The following SPIDR variants were observed in gnomAD, a reference collection of about 807,000 sequenced individuals.
The protein encoded by SPIDR is DNA repair-scaffolding protein.
A neutral mutation model predicts 104.6 loss-of-function variants in SPIDR; 93 were observed. The ratio of observed to expected loss-of-function variants is 0.89; its 90% confidence interval spans 0.75 to 1.06. The LOEUF is 1.06. SPIDR is among the 50% of genes least tolerant of loss of function. The pLI is 0.00. For synonymous variants in SPIDR, 431 were observed against 416.9 expected (o/e 1.03, Z -0.41); for missense variants, 1,154 against 1,111.2 (o/e 1.04, Z -0.55).
At chr8:47,536,289 C>T (rs1016185125) in intron 8 of SPIDR, among the ~76,000 whole-genome samples, 3 of 152,108 alleles carry the variant, frequency 2.0e-5, no homozygotes, top group Non-Finnish European at 4.4e-5. Flanking sequence ...TATCAACAAA[C>T]TGATTCTAAA....
intron 8 of SPIDR, among the ~76,000 whole-genome samples, chr8:47,463,397 A>G (rs1431268952): frequency 2.6e-5 from 4 of 152,080 alleles, no homozygotes; most frequent in Non-Finnish European, 4.4e-5. Context: ...CTTCCAATGA[A>G]GAAAGACTCG....
chr8:47,362,964 T>G (rs1253882323), intron 5 of SPIDR, among the ~76,000 whole-genome samples: 1 of 151,544 alleles, frequency 6.6e-6, no homozygotes, highest in Non-Finnish European at 1.5e-5. Flanking sequence ...GTGTTCTTTT[T>G]TCTGGCCAAC....
intron 8 of SPIDR, among the ~76,000 whole-genome samples, chr8:47,589,005 A>G (rs899406720): frequency 3.0e-5 from 4 of 134,358 alleles, no homozygotes; most frequent in African/African-American, 8.3e-5. Context: ...TTATTGAGGT[A>G]TATTGGTTTA....
chr8:47,560,508 T>C (rs543807553), intron 8 of SPIDR, among the ~76,000 whole-genome samples: 2 of 152,298 alleles, frequency 1.3e-5, no homozygotes, highest in African/African-American at 4.8e-5. Context: ...TGCTTATAAG[T>C]TCAGACTGTA....
chr8:47,346,790 TG>T (rs1554618473), intron 5 of SPIDR, among the ~76,000 whole-genome samples: 1 of 152,248 alleles, frequency 6.6e-6, no homozygotes, highest in African/African-American at 2.4e-5. Context: ...TGTATTTCTG[TG>T]GGATTGGTGG....
In SPIDR at chr8:47,578,356, C is replaced by G. The variant is rs183639275; in HGVS notation, c.1098-17455C>G. On this transcript the variant is annotated intron_variant, in intron 8 of 19. Transcript: ENST00000297423. ...GCATGGTGGCAGGCACCTGTAATCC[C>G]AGCTACTTGGGAGGCTGAGGCAGGA... Among the ~76,000 whole-genome samples, 323 of 152,174 alleles carry G rather than the reference C, an allele frequency of 2.1e-3. 3 individuals are homozygous for G. Among genetic ancestry groups the G allele is most frequent in the African/African-American group, 7.3e-3 (301 of 41,506 alleles).
At chr8:47,588,712 G>T (rs2060601150) in intron 8 of SPIDR, among the ~76,000 whole-genome samples, 1 of 152,100 alleles carries the variant, frequency 6.6e-6, no homozygotes, top group Non-Finnish European at 1.5e-5. Flanking sequence ...GATTTCTGTT[G>T]ATAATTCTTT....
At chr8:47,423,840 G>A (rs536025338) in intron 7 of SPIDR, among the ~76,000 whole-genome samples, 3 of 152,174 alleles carry the variant, frequency 2.0e-5, no homozygotes, top group East Asian at 3.9e-4. Context: ...GGGAAAATAC[G>A]TTCTATTTAT....
chr8:47,547,473 C>A (rs577284561), intron 8 of SPIDR: 156 of 211,196 alleles, frequency 7.4e-4, no homozygotes, highest in Non-Finnish European at 1.4e-3. Context: ...TGTCGCCAGG[C>A]TGGAATGCAG....
chr8:47,310,614 C>T (rs1177212390), intron 5 of SPIDR, among the ~76,000 whole-genome samples: 1 of 152,088 alleles, frequency 6.6e-6, no homozygotes, highest in African/African-American at 2.4e-5. Flanking sequence ...TCCCAGAGGA[C>T]AGAACTCGGT....
intron 8 of SPIDR, among the ~76,000 whole-genome samples, chr8:47,457,646 G>T (rs1183347216): frequency 6.6e-6 from 1 of 151,954 alleles, no homozygotes. Flanking sequence ...TTGGGTTCTT[G>T]GTCATGAAAA....
At chr8:47,565,992 A>ATATATATATATATATATATATATATTT (rs1554802202) in intron 8 of SPIDR, among the ~76,000 whole-genome samples, 2 of 14,952 alleles carry the variant, frequency 1.3e-4, no homozygotes, top group Non-Finnish European at 3.0e-4. Flanking sequence ...ATATATATAT[A>ATATATATATATATATATATATATATTT]TTTTTTTTTT....
chr8:47,301,207 T>G (rs1309306642), intron 5 of SPIDR, among the ~76,000 whole-genome samples: 2 of 152,332 alleles, frequency 1.3e-5, no homozygotes, highest in Admixed American at 6.5e-5. Flanking sequence ...GAAATGGCCT[T>G]CTTTGTCTCT....
chr8:47,321,686 T>C (rs2046630431), intron 5 of SPIDR, among the ~76,000 whole-genome samples: 1 of 152,138 alleles, frequency 6.6e-6, no homozygotes, highest in African/African-American at 2.4e-5. Flanking sequence ...GCTACCTGAC[T>C]TCAAACTATA....
chr8:47,453,788 AACAG>A (rs1468401663), intron 8 of SPIDR, among the ~76,000 whole-genome samples: 21 of 152,276 alleles, frequency 1.4e-4, no homozygotes, highest in Middle Eastern at 3.4e-3. Flanking sequence ...GTAAGAAAAA[AACAG>A]ACAGCCCCAT....
chr8:47,529,230 G>T (rs920369597), intron 8 of SPIDR, among the ~76,000 whole-genome samples: 2 of 151,894 alleles, frequency 1.3e-5, no homozygotes, highest in African/African-American at 4.8e-5. Context: ...GACCATCCTG[G>T]TGATGGTGAT....
chr8:47,360,457 T>A (rs574620982), intron 5 of SPIDR, among the ~76,000 whole-genome samples: 75 of 152,182 alleles, frequency 4.9e-4, no homozygotes, highest in Non-Finnish European at 6.5e-4. Context: ...TTGTCATTGA[T>A]CTATTTTAAC....
chr8:47,378,893 C>T (rs554040920), intron 5 of SPIDR, among the ~76,000 whole-genome samples: 1 of 152,322 alleles, frequency 6.6e-6, no homozygotes, highest in South Asian at 2.1e-4. Flanking sequence ...TTTGAGCTCT[C>T]AGTGGCTCAG....
chr8:47,334,752 C>A (rs936337535), intron 5 of SPIDR, among the ~76,000 whole-genome samples: 9 of 152,094 alleles, frequency 5.9e-5, no homozygotes, highest in African/African-American at 2.2e-4. Context: ...CTTTTAAAAT[C>A]ATCATTGGTA....
Sources: gnomAD v4.1 joint callset for allele counts (sites outside exome capture counted in the v4.1 genomes callset) on GRCh38, gnomAD v4.1.1 for gene constraint, MANE v1.5 for transcripts, NCBI Gene and HGNC (gene_info 2026-07-23, HGNC 2026-07-21) for gene names.